The following XXYLT1 variants were observed in gnomAD, a reference collection of about 807,000 sequenced individuals.
XXYLT1 encodes the protein UDP-xylose:alpha-xyloside alpha-1,3-xylosyltransferase.
In XXYLT1, 20 loss-of-function variants were observed where a neutral mutation model predicts 28.9. The observed-to-expected ratio is 0.69, with a 90% CI of 0.49 to 1.00. XXYLT1 has a LOEUF of 1.00. Ranked by LOEUF, XXYLT1 falls within the 50% of genes least tolerant of loss-of-function variation. The probability of loss-of-function intolerance (pLI) is 0.00; values close to 1 mark genes in which losing one functional copy is unlikely to be tolerated. For synonymous variants in XXYLT1, 257 were observed against 253.8 expected (o/e 1.01, Z -0.12); for missense variants, 542 against 560.1 (o/e 0.97, Z 0.33).
At chr3:195,205,103 G>A (rs529204763) in intron 2 of XXYLT1, among the ~76,000 whole-genome samples, 31 of 152,324 alleles carry the variant, frequency 2.0e-4, no homozygotes, top group African/African-American at 6.7e-4. Context: ...CTGGCAAATC[G>A]CCAAACTCTG....
rs943436202 is a variant in XXYLT1 at position 195,068,334 on chromosome 3, G to A, written c.*1381C>T. 11 of 149,894 alleles carry A rather than the reference G, an allele frequency of 7.3e-5. No individual in the cohort carries two copies. The highest frequency in any genetic ancestry group is 1.9e-4 in the African/African-American group (8 of 41,124). 9.3% of individuals were successfully genotyped at this position (149,894 alleles called of 1,614,324 possible). ...CCTCACTCATGGGAAAAAGAAAAAC[G>A]TAAATGAAATCAAAACAAAACAAGA... On this transcript the variant is annotated 3_prime_UTR_variant, in exon 4 of 4. Transcript: ENST00000310380.
intron 1 of XXYLT1, among the ~76,000 whole-genome samples, chr3:195,234,261 G>C (rs372278873): frequency 1.5e-5 from 2 of 132,704 alleles, no homozygotes; most frequent in African/African-American, 7.7e-5. Flanking sequence ...AATCCATCAA[G>C]CTTTTGTTTG....
chr3:195,145,070 T>C (rs1026788014), intron 3 of XXYLT1, among the ~76,000 whole-genome samples: 3 of 152,246 alleles, frequency 2.0e-5, no homozygotes, highest in Non-Finnish European at 2.9e-5. Context: ...TCCTGTTCAC[T>C]GCTACCCAAG....
At chr3:195,073,565 T>G (rs1399237931) in intron 3 of XXYLT1, among the ~76,000 whole-genome samples, 2 of 152,190 alleles carry the variant, frequency 1.3e-5, no homozygotes, top group Non-Finnish European at 2.9e-5. Context: ...GTCTTGTTCC[T>G]GTCTTCCATA....
chr3:195,231,621 C>T (rs1363565390), intron 1 of XXYLT1, among the ~76,000 whole-genome samples: 1 of 152,106 alleles, frequency 6.6e-6, no homozygotes, highest in Non-Finnish European at 1.5e-5. Context: ...AATGCTTTTT[C>T]AGCATCAACT....
At chr3:195,179,334 C>T (rs1206721396) in intron 2 of XXYLT1, among the ~76,000 whole-genome samples, 1 of 149,276 alleles carries the variant, frequency 6.7e-6, no homozygotes, top group African/African-American at 2.5e-5. Context: ...GAGTGAGACA[C>T]CGTCTCAAAA....
At chr3:195,196,075 C>T (rs1722611591) in intron 2 of XXYLT1, among the ~76,000 whole-genome samples, 1 of 152,208 alleles carries the variant, frequency 6.6e-6, no homozygotes, top group East Asian at 1.9e-4. Flanking sequence ...CCCTGGAGGA[C>T]AGCGCCGTCC....
At chr3:195,245,888 C>T (rs1005337400) in intron 1 of XXYLT1, among the ~76,000 whole-genome samples, 1 of 152,322 alleles carries the variant, frequency 6.6e-6, no homozygotes, top group East Asian at 1.9e-4. Flanking sequence ...CCGCCATGAC[C>T]GGAAGCTTCC....
At chr3:195,100,615 C>T (rs1047033051) in intron 3 of XXYLT1, among the ~76,000 whole-genome samples, 2 of 152,174 alleles carry the variant, frequency 1.3e-5, no homozygotes, top group South Asian at 4.1e-4. Flanking sequence ...CTCCCCTGTA[C>T]TCCACCCAGA....
rs536006167 is a variant in XXYLT1 at position 195,176,219 on chromosome 3, G to A, written c.653-19638C>T. Among the ~76,000 whole-genome samples the A allele has an allele frequency of 3.0e-4, 45 of 152,254 alleles. No homozygotes were observed. Among genetic ancestry groups the A allele is most frequent in the African/African-American group, 1.0e-3 (43 of 41,562 alleles). Reference sequence around the variant, plus strand: ...CTACAGGTGTGTACCACCATGCCCCGCTAATTTCTGTATTTTTTGTAGAGA... The same window carrying A: ...CTACAGGTGTGTACCACCATGCCCCACTAATTTCTGTATTTTTTGTAGAGA... On this transcript the variant is annotated intron_variant, in intron 2 of 3. Coordinates refer to ENST00000310380, the MANE Select transcript of XXYLT1 (RefSeq NM_152531.5). This position sits in a 1 kb window ranked among gnomAD's most constrained non-coding sequence, Gnocchi z 4.9.
chr3:195,164,870 T>G (rs1445630304), intron 2 of XXYLT1, among the ~76,000 whole-genome samples: 2 of 152,078 alleles, frequency 1.3e-5, no homozygotes, highest in Admixed American at 1.3e-4. Context: ...AAGTGCAGTT[T>G]GGTAAACAGA....
At position 195,069,430 on chromosome 3, in the gene XXYLT1, C is replaced by T; in HGVS notation, c.*285G>A. On this transcript the variant is annotated 3_prime_UTR_variant, in exon 4 of 4. Coordinates refer to ENST00000310380, the MANE Select transcript of XXYLT1 (RefSeq NM_152531.5). ...GACAGCAAGGGGGACCCTTTCTCCC[C>T]TTCCTTCTCTTCAAGTGCTTGCTTC... 2.4e-6 allele frequency: 1 copy of T among 408,936 alleles called. No homozygotes were observed. 25.3% of individuals were successfully genotyped at this position (408,936 alleles called of 1,614,324 possible).
chr3:195,202,066 ACT>A (rs201411826), intron 2 of XXYLT1, among the ~76,000 whole-genome samples: 2,824 of 152,202 alleles, frequency 0.019, 94 homozygotes, highest in African/African-American at 0.062. Context: ...AATCCCAGCC[ACT>A]CAGGAGGCTG....
intron 3 of XXYLT1, among the ~76,000 whole-genome samples, chr3:195,121,763 T>G (rs1017845589): frequency 1.3e-5 from 2 of 152,134 alleles, no homozygotes; most frequent in African/African-American, 4.8e-5. Flanking sequence ...TCAGGCAGCT[T>G]TATTCCAGCA....
chr3:195,074,508 C>G (rs776102503), intron 3 of XXYLT1, among the ~76,000 whole-genome samples: 2 of 152,186 alleles, frequency 1.3e-5, no homozygotes, highest in Non-Finnish European at 2.9e-5. Context: ...CCTTGTTTTC[C>G]AGTCATCCAA....
intron 3 of XXYLT1, among the ~76,000 whole-genome samples, chr3:195,107,987 T>G (rs1466749709): frequency 6.6e-6 from 1 of 152,186 alleles, no homozygotes; most frequent in Non-Finnish European, 1.5e-5. Context: ...ACAACTCTGA[T>G]GCCATTCGGC....
chr3:195,075,211 C>T (rs940068182), intron 3 of XXYLT1, among the ~76,000 whole-genome samples: 1 of 152,182 alleles, frequency 6.6e-6, no homozygotes, highest in Non-Finnish European at 1.5e-5. Context: ...GAGATTGCAC[C>T]ATTGCACTCC....
chr3:195,145,456 G>A (rs1026817806), intron 3 of XXYLT1, among the ~76,000 whole-genome samples: 4 of 146,048 alleles, frequency 2.7e-5, no homozygotes, highest in Non-Finnish European at 6.0e-5. Context: ...ATGGGGCCCT[G>A]CGAGCATCTC....
In XXYLT1 at chr3:195,069,557, AGCACAGTGACCT is replaced by A; in HGVS notation, c.*146_*157del. On this transcript the variant is annotated 3_prime_UTR_variant, in exon 4 of 4. Coordinates refer to ENST00000310380, the MANE Select transcript of XXYLT1 (RefSeq NM_152531.5). The stretch of plus-strand genomic sequence containing the variant: ...AGGCCAGTCCTTGGCGGGTGGCCTC[AGCACAGTGACCT>A]GCCCGGCAGGAGGTCTCAGCACCTT... 5 of 1,117,822 alleles carry A rather than the reference AGCACAGTGACCT, an allele frequency of 4.5e-6. No homozygotes were observed. The highest frequency in any genetic ancestry group is 6.3e-6 in the Non-Finnish European group (5 of 793,166). 69.2% of individuals were successfully genotyped at this position (1,117,822 alleles called of 1,614,324 possible). A position where few individuals can be genotyped will look rare whatever the true frequency, so the allele number is the denominator to read the frequency against.
Sources: gnomAD v4.1 joint callset for allele counts (sites outside exome capture counted in the v4.1 genomes callset) on GRCh38, gnomAD v4.1.1 for gene constraint, Gnocchi (gnomAD v3.1) non-coding constraint, MANE v1.5 for transcripts, NCBI Gene and HGNC (gene_info 2026-07-23, HGNC 2026-07-21) for gene names.